Variants in AKAP12 observed in about 807,000 individuals in gnomAD.
AKAP12 encodes the protein A-kinase anchoring protein 12.
AKAP12 carries 32 observed loss-of-function variants against 79.9 expected under a neutral mutation model. The observed-to-expected ratio is 0.40, with a 90% confidence interval of 0.30 to 0.54. AKAP12 has a LOEUF of 0.54. Among genes scored for constraint, AKAP12 ranks in the 20% least tolerant of loss-of-function variants. AKAP12 has a pLI of 0.48. For synonymous variants in AKAP12, 808 were observed against 857.0 expected, an observed-to-expected ratio of 0.94 and a Z score of 1.00; for missense variants, 2,074 against 2,177.0, an observed-to-expected ratio of 0.95 and a Z score of 0.94.
At chr6:151,275,898 G>C (rs17081009) in intron 2 of AKAP12, among the ~76,000 whole-genome samples, 1 of 152,144 alleles carries the variant, frequency 6.6e-6, no homozygotes, top group African/African-American at 2.4e-5. Flanking sequence ...TGAATACCTC[G>C]TTGATCTGGA....
chr6:151,317,684 T>G (rs1329880577), intron 3 of AKAP12, among the ~76,000 whole-genome samples: 3 of 152,220 alleles, frequency 2.0e-5, no homozygotes, highest in Non-Finnish European at 4.4e-5. Context: ...ATGTGACTGC[T>G]GGTATAAGGG....
intron 2 of AKAP12, among the ~76,000 whole-genome samples, chr6:151,279,542 T>C (rs896310528): frequency 6.6e-6 from 1 of 152,080 alleles, no homozygotes; most frequent in Non-Finnish European, 1.5e-5. Flanking sequence ...AAATATACGA[T>C]AAAGGATAAA....
chr6:151,319,359 C>T (rs978751193), intron 3 of AKAP12, among the ~76,000 whole-genome samples: 4 of 151,346 alleles, frequency 2.6e-5, no homozygotes, highest in Non-Finnish European at 5.9e-5. Flanking sequence ...CTGACAGTGT[C>T]ATTTAGATTC....
chr6:151,303,044 T>C (rs1203693376), intron 2 of AKAP12, among the ~76,000 whole-genome samples: 1 of 151,858 alleles, frequency 6.6e-6, no homozygotes, highest in Non-Finnish European at 1.5e-5. Flanking sequence ...AATACAAAAA[T>C]TAGCTGGGCG....
intron 3 of AKAP12, among the ~76,000 whole-genome samples, chr6:151,340,648 C>G (rs1322221083): frequency 4.2e-5 from 3 of 72,078 alleles, no homozygotes; most frequent in Non-Finnish European, 7.6e-5. Flanking sequence ...GTGATGGGAA[C>G]TTGACTGATA....
intron 2 of AKAP12, among the ~76,000 whole-genome samples, chr6:151,264,641 A>C (rs185948585): frequency 2.0e-5 from 3 of 150,910 alleles, no homozygotes; most frequent in South Asian, 2.1e-4. Context: ...ACTGAACTCC[A>C]GCCTGGGTGA....
At chr6:151,345,127 G>A (rs1471318058) in intron 3 of AKAP12, among the ~76,000 whole-genome samples, 7 of 151,958 alleles carry the variant, frequency 4.6e-5, no homozygotes, top group Non-Finnish European at 1.0e-4. Context: ...CCAGGCTGGA[G>A]TGCAGTGGTG....
At chr6:151,260,828 C>T (rs1044543183) in intron 2 of AKAP12, among the ~76,000 whole-genome samples, 2 of 151,514 alleles carry the variant, frequency 1.3e-5, no homozygotes, top group Non-Finnish European at 2.9e-5. Flanking sequence ...CCTGTCTCTA[C>T]TAAAAATACA....
At chr6:151,250,412 T>A (rs1797150842) in intron 2 of AKAP12, among the ~76,000 whole-genome samples, 1 of 151,536 alleles carries the variant, frequency 6.6e-6, no homozygotes, top group Non-Finnish European at 1.5e-5. Context: ...GGCAGGAGAA[T>A]CGCTTGAACA....
chr6:151,325,808 G>C (rs769558933), intron 3 of AKAP12: 3 of 1,613,664 alleles, frequency 1.9e-6, no homozygotes, highest in Non-Finnish European at 2.5e-6. Flanking sequence ...CGTCTGCCGG[G>C]GAGGGCAGGG....
chr6:151,345,552 T>C (rs1289448305), intron 3 of AKAP12, among the ~76,000 whole-genome samples: 1 of 150,918 alleles, frequency 6.6e-6, no homozygotes, highest in African/African-American at 2.4e-5. Context: ...CCCAGCACTT[T>C]GGGAGGCTGA....
Position 151,350,767 on chromosome 6 carries a change from C to T in AKAP12, c.2376C>T (p.Ser792=), listed in dbSNP as rs756113875. ...TAGCTGGGTCTGGTGTAGAACATTC[C>T]ACTCCAGACACTGAACCCGGTAAAG... ...DSIAGSGVEH[S]TPDTEPGKEE... is the part of the protein sequence containing the mutation. Residue 792 remains serine (S), a synonymous_variant, in exon 4 of 5, where the codon TCC becomes TCT. Coordinates refer to ENST00000402676, the MANE Select transcript of AKAP12 (RefSeq NM_005100.4). This position sits in a 1 kb window ranked among gnomAD's most constrained non-coding sequence, Gnocchi z 4.8. 1.9e-6 allele frequency: 3 copies of T among 1,613,760 alleles called. No homozygotes were observed. Among genetic ancestry groups the T allele is most frequent in the Non-Finnish European group, 1.7e-6 (2 of 1,179,920 alleles).
chr6:151,267,145 G>A (rs1218879297), intron 2 of AKAP12, among the ~76,000 whole-genome samples: 1 of 151,028 alleles, frequency 6.6e-6, no homozygotes, highest in African/African-American at 2.4e-5. Context: ...AAAAAAACCA[G>A]CAGACAGATC....
chr6:151,274,832 G>A (rs192068607), intron 2 of AKAP12, among the ~76,000 whole-genome samples: 1 of 152,302 alleles, frequency 6.6e-6, no homozygotes, highest in African/African-American at 2.4e-5. Flanking sequence ...ACTGGGCTAG[G>A]TAACTCATTC....
intron 1 of AKAP12, 138 bp from the exon 2 acceptor site, chr6:151,240,246 G>C: frequency 4.5e-6 from 1 of 223,562 alleles, no homozygotes; most frequent in Non-Finnish European, 8.7e-6. Context: ...CAGCGCCTCT[G>C]GTCCCGGCAG....
intron 2 of AKAP12, among the ~76,000 whole-genome samples, chr6:151,271,806 CTT>C (rs1776188443): frequency 6.6e-6 from 1 of 151,884 alleles, no homozygotes; most frequent in Non-Finnish European, 1.5e-5. Flanking sequence ...ATTACAGGCG[CTT>C]GCCACCACGC....
In AKAP12 at chr6:151,246,902, C is replaced by T. The variant is rs1047193242; in HGVS notation, c.162+6178C>T. 7.9e-5 allele frequency among the ~76,000 whole-genome samples: 12 copies of T among 152,238 alleles called. 1 individual carries two copies. Among genetic ancestry groups the T allele is most frequent in the South Asian group, 4.1e-4 (2 of 4,828 alleles). On this transcript the variant is annotated intron_variant, in intron 2 of 4. Coordinates refer to ENST00000402676, the MANE Select transcript of AKAP12 (RefSeq NM_005100.4). ...TCAGCCTCCTGAGTAGCTGGGACTA[C>T]AGGCACACACCACCAGGTAGCTGGG... is the stretch of plus-strand genomic sequence containing the variant.
intron 2 of AKAP12, among the ~76,000 whole-genome samples, chr6:151,274,378 C>G (rs777386325): frequency 6.6e-6 from 1 of 152,044 alleles, no homozygotes; most frequent in Non-Finnish European, 1.5e-5. Context: ...TGCACCCGGC[C>G]TACCTTCAGT....
chr6:151,278,317 G>A (rs1440720389), intron 2 of AKAP12, among the ~76,000 whole-genome samples: 2 of 152,162 alleles, frequency 1.3e-5, no homozygotes, highest in Admixed American at 6.5e-5. Flanking sequence ...CTGGGTTCAA[G>A]CGATTATCCT....
Sources: gnomAD v4.1 joint callset for allele counts (sites outside exome capture counted in the v4.1 genomes callset) on GRCh38, gnomAD v4.1.1 for gene constraint, Gnocchi (gnomAD v3.1) non-coding constraint, MANE v1.5 for transcripts, NCBI Gene and HGNC (gene_info 2026-07-23, HGNC 2026-07-21) for gene names.